PCBP3: variants seen among roughly 807,000 people sequenced by gnomAD.
The protein encoded by PCBP3 is poly(rC) binding protein 3, also known as poly(rC)-binding protein 3.
PCBP3 carries 25 observed loss-of-function variants against 52.7 expected under a neutral mutation model. The observed-to-expected ratio is 0.47, with a 90% confidence interval of 0.35 to 0.66. The LOEUF is 0.66. Ranked by LOEUF, PCBP3 falls within the 30% of genes least tolerant of loss-of-function variation. The pLI, the probability that PCBP3 is intolerant of heterozygous loss-of-function variation, is 0.01. For missense variants in PCBP3, 391 were observed against 490.3 expected (o/e 0.80, Z 1.91); for synonymous variants, 162 against 183.0 (o/e 0.89, Z 0.93).
chr21:45,774,286 A>G (rs1361954888), intron 4 of PCBP3, among the ~76,000 whole-genome samples: 2 of 151,934 alleles, frequency 1.3e-5, no homozygotes, highest in Non-Finnish European at 2.9e-5. Flanking sequence ...GCGTGCCTGT[A>G]ATCCCAGCTA....
intron 4 of PCBP3, among the ~76,000 whole-genome samples, chr21:45,780,086 A>G (rs541626806): frequency 6.6e-6 from 1 of 152,350 alleles, no homozygotes; most frequent in East Asian, 1.9e-4. Flanking sequence ...AAAATCCTAT[A>G]CTTTTTGTCA....
intron 4 of PCBP3, among the ~76,000 whole-genome samples, chr21:45,784,651 C>T (rs537373461): frequency 2.4e-4 from 37 of 152,344 alleles, no homozygotes; most frequent in African/African-American, 6.5e-4. Context: ...TGGGTGGAGA[C>T]GGGGTTTCGC....
chr21:45,674,880 T>A (rs1275378672), intron 2 of PCBP3, among the ~76,000 whole-genome samples: 1 of 152,196 alleles, frequency 6.6e-6, no homozygotes, highest in African/African-American at 2.4e-5. Flanking sequence ...CAGCCCCACA[T>A]GACTTCCCCC....
At chr21:45,762,260 T>TC (rs2088754012) in intron 4 of PCBP3, 1 of 151,952 alleles carries the variant, frequency 6.6e-6, no homozygotes. Flanking sequence ...CCTTGCGGCC[T>TC]CCCCACAGGG....
intron 5 of PCBP3, 97 bp from the exon 6 acceptor site, chr21:45,896,111 C>A: frequency 1.7e-6 from 2 of 1,197,764 alleles, no homozygotes; most frequent in Non-Finnish European, 2.4e-6. Context: ...ATTCTCCTGC[C>A]ACCCGGGAGG....
intron 4 of PCBP3, among the ~76,000 whole-genome samples, chr21:45,806,148 C>G (rs1395535355): frequency 6.6e-6 from 1 of 152,196 alleles, no homozygotes; most frequent in Non-Finnish European, 1.5e-5. Context: ...GTGGAAGACC[C>G]CAGCAAAGCC....
chr21:45,790,945 G>A (rs549778405), intron 4 of PCBP3, among the ~76,000 whole-genome samples: 25 of 152,300 alleles, frequency 1.6e-4, no homozygotes, highest in Admixed American at 1.6e-3. Flanking sequence ...CCAGTTTTGA[G>A]AGTGGAAGAA....
At chr21:45,919,454 A>T (rs452332) in intron 13 of PCBP3, 105,888 of 152,132 alleles carry the variant, frequency 0.7, 38,344 homozygotes, top group African/African-American at 0.89. Context: ...GAGTTAATGA[A>T]CATTAAATAA....
chr21:45,679,359 G>A (rs777699283), intron 2 of PCBP3, among the ~76,000 whole-genome samples: 1 of 152,040 alleles, frequency 6.6e-6, no homozygotes, highest in African/African-American at 2.4e-5. Flanking sequence ...GACCTCAAGT[G>A]GTCCACTCAC....
chr21:45,844,864 A>G (rs1276475646), intron 4 of PCBP3, among the ~76,000 whole-genome samples: 1 of 149,396 alleles, frequency 6.7e-6, no homozygotes, highest in Non-Finnish European at 1.5e-5. Flanking sequence ...ATAACTTTAT[A>G]TACGTATATG....
At chr21:45,654,156 C>T (rs1481770783) in intron 1 of PCBP3, among the ~76,000 whole-genome samples, 2 of 151,944 alleles carry the variant, frequency 1.3e-5, no homozygotes, top group South Asian at 2.1e-4. Flanking sequence ...GTAACATTAA[C>T]AGTATTGTAT....
At chr21:45,706,981 A>G (rs1214680793) in intron 2 of PCBP3, among the ~76,000 whole-genome samples, 1 of 152,226 alleles carries the variant, frequency 6.6e-6, no homozygotes, top group African/African-American at 2.4e-5. Context: ...CTTGTCAGCA[A>G]GTTTATTTTG....
chr21:45,769,071 A>G (rs1373898025), intron 4 of PCBP3, among the ~76,000 whole-genome samples: 1 of 152,238 alleles, frequency 6.6e-6, no homozygotes, highest in Non-Finnish European at 1.5e-5. Context: ...CACTGGCTAC[A>G]GACTGCATTG....
At chr21:45,877,367 A>C (rs1430031230) in intron 5 of PCBP3, among the ~76,000 whole-genome samples, 1 of 152,236 alleles carries the variant, frequency 6.6e-6, no homozygotes, top group Admixed American at 6.5e-5. Context: ...CTGTTTCATT[A>C]CACATCACTT....
intron 3 of PCBP3, among the ~76,000 whole-genome samples, chr21:45,738,454 C>T (rs2086061470): frequency 6.6e-6 from 1 of 152,034 alleles, no homozygotes; most frequent in Admixed American, 6.5e-5. Flanking sequence ...CGGGGTTTCA[C>T]CGTGTTCGCC....
At chr21:45,862,467 C>T (rs2094546936) in intron 5 of PCBP3, among the ~76,000 whole-genome samples, 1 of 152,076 alleles carries the variant, frequency 6.6e-6, no homozygotes, top group Non-Finnish European at 1.5e-5. Flanking sequence ...GCCTACTAGA[C>T]CAAAGTCTGA....
chr21:45,693,600 T>C (rs1235629458), intron 2 of PCBP3, among the ~76,000 whole-genome samples: 1 of 152,116 alleles, frequency 6.6e-6, no homozygotes, highest in Non-Finnish European at 1.5e-5. Context: ...ATATGATTAA[T>C]ATGTTTAAAA....
intron 4 of PCBP3, among the ~76,000 whole-genome samples, chr21:45,839,481 G>C (rs942551574): frequency 2.6e-5 from 4 of 152,092 alleles, no homozygotes; most frequent in African/African-American, 9.7e-5. Flanking sequence ...TGTTCTTCAG[G>C]ATGGGCTCAT....
At chr21:45,650,171 A>G (rs2079584722) in intron 1 of PCBP3, among the ~76,000 whole-genome samples, 1 of 151,974 alleles carries the variant, frequency 6.6e-6, no homozygotes, top group African/African-American at 2.4e-5. Flanking sequence ...TACAAAAAAA[A>G]AAACCAAAGA....
Sources: allele counts gnomAD v4.1 joint callset (sites outside exome capture counted in the v4.1 genomes callset), GRCh38; gene constraint gnomAD v4.1.1; transcripts MANE v1.5; gene names NCBI Gene and HGNC (gene_info 2026-07-23, HGNC 2026-07-21).